BMPR1B: variants seen among roughly 807,000 people sequenced by gnomAD.
BMPR1B encodes bone morphogenetic protein receptor type 1B, also known as bone morphogenetic protein receptor type-1B.
Under a neutral mutation model 59.1 loss-of-function variants are expected in BMPR1B, and 12 were observed. The ratio of observed to expected loss-of-function variants is 0.20; its 90% CI spans 0.13 to 0.33. BMPR1B has a LOEUF of 0.33. Ranked by LOEUF, BMPR1B falls within the 10% of genes least tolerant of loss-of-function variation. BMPR1B has a pLI of 1.00. For missense variants in BMPR1B, 550 were observed against 610.9 expected, an observed-to-expected ratio of 0.90 and a Z score of 1.05; for synonymous variants, 237 against 207.3, an observed-to-expected ratio of 1.14 and a Z score of -1.23.
At chr4:95,097,242 AAGAG>A (rs1017626565) in intron 3 of BMPR1B, among the ~76,000 whole-genome samples, 1 of 150,920 alleles carries the variant, frequency 6.6e-6, no homozygotes, top group African/African-American at 2.4e-5. Context: ...AAGAGGGAAG[AAGAG>A]AGAAGAGAGG....
At chr4:94,981,702 A>G (rs1373384602) in intron 2 of BMPR1B, among the ~76,000 whole-genome samples, 3 of 152,192 alleles carry the variant, frequency 2.0e-5, no homozygotes. Context: ...CACTAAATAC[A>G]CTCTAAGGAA....
At chr4:95,026,366 C>T (rs1724417755) in intron 3 of BMPR1B, among the ~76,000 whole-genome samples, 1 of 151,846 alleles carries the variant, frequency 6.6e-6, no homozygotes, top group Non-Finnish European at 1.5e-5. Context: ...AAAGCTGAAC[C>T]TCCTGCAAAA....
intron 1 of BMPR1B, among the ~76,000 whole-genome samples, chr4:94,818,680 T>G (rs562042084): frequency 2.3e-4 from 35 of 152,344 alleles, no homozygotes; most frequent in East Asian, 9.6e-4. Context: ...TATTCTACTA[T>G]GAAGCGATTT....
chr4:94,904,072 T>C (rs1037325607), intron 2 of BMPR1B, among the ~76,000 whole-genome samples: 4 of 152,054 alleles, frequency 2.6e-5, no homozygotes, highest in Non-Finnish European at 5.9e-5. Context: ...CTTATGATGA[T>C]ATGGAATTCT....
At chr4:95,003,260 C>G (rs545285776) in intron 3 of BMPR1B, among the ~76,000 whole-genome samples, 83 of 152,262 alleles carry the variant, frequency 5.5e-4, no homozygotes, top group African/African-American at 1.7e-3. Flanking sequence ...AAGGATTTTT[C>G]TGACCAATAC....
chr4:94,793,167 C>A (rs898892905), intron 1 of BMPR1B, among the ~76,000 whole-genome samples: 2 of 152,078 alleles, frequency 1.3e-5, no homozygotes, highest in African/African-American at 2.4e-5. Context: ...TCCCTCCCCC[C>A]TTCCCCCACC....
At chr4:94,903,624 A>C (rs1727916356) in intron 2 of BMPR1B, among the ~76,000 whole-genome samples, 2 of 151,938 alleles carry the variant, frequency 1.3e-5, no homozygotes, top group Non-Finnish European at 2.9e-5. Flanking sequence ...TATGGGCTGA[A>C]TTATATCCCT....
intron 1 of BMPR1B, among the ~76,000 whole-genome samples, chr4:94,846,972 C>T (rs1725360640): frequency 1.3e-5 from 2 of 152,054 alleles, no homozygotes; most frequent in African/African-American, 4.8e-5. Flanking sequence ...AGTTACAAAG[C>T]TTCTGTACTG....
At chr4:95,077,832 C>A (rs1411051757) in intron 3 of BMPR1B, among the ~76,000 whole-genome samples, 1 of 152,126 alleles carries the variant, frequency 6.6e-6, no homozygotes, top group African/African-American at 2.4e-5. Context: ...TTGCAAAATA[C>A]AAGATGTAAT....
intron 3 of BMPR1B, among the ~76,000 whole-genome samples, chr4:95,004,734 A>G (rs1722703340): frequency 6.6e-6 from 1 of 152,164 alleles, no homozygotes; most frequent in South Asian, 2.1e-4. Context: ...TTAGCTTACT[A>G]ACCTTGAAAT....
chr4:95,046,299 T>C (rs1726057300), intron 3 of BMPR1B, among the ~76,000 whole-genome samples: 1 of 152,204 alleles, frequency 6.6e-6, no homozygotes. Flanking sequence ...AACAACTTGA[T>C]AAATGTTACA....
At chr4:94,802,442 T>C (rs1408625110) in intron 1 of BMPR1B, among the ~76,000 whole-genome samples, 1 of 152,208 alleles carries the variant, frequency 6.6e-6, no homozygotes, top group Non-Finnish European at 1.5e-5. Flanking sequence ...CTTAAAATTA[T>C]CTTTGTCCAG....
chr4:95,038,200 CT>C (rs1725401029), intron 3 of BMPR1B, among the ~76,000 whole-genome samples: 1 of 152,080 alleles, frequency 6.6e-6, no homozygotes, highest in Non-Finnish European at 1.5e-5. Context: ...ACACAAAGCT[CT>C]GAGCTGGATC....
intron 1 of BMPR1B, among the ~76,000 whole-genome samples, chr4:94,774,761 C>A (rs150366631): frequency 3.9e-5 from 6 of 152,198 alleles, no homozygotes; most frequent in African/African-American, 1.4e-4. Context: ...GTGCTTCCAT[C>A]CTCACAGTTT....
In BMPR1B at chr4:94,994,072, A is replaced by T. The variant is rs1721911684; in HGVS notation, c.-112-1968A>T. On this transcript the variant is annotated intron_variant, in intron 2 of 12. Coordinates refer to ENST00000515059, the MANE Select transcript of BMPR1B (RefSeq NM_001203.3). ...GCAAGTACATATTTTACCACAGGTG[A>T]AAATTTGTATATGTCAATTTGGTAA... is the stretch of plus-strand genomic sequence containing the variant. 2.0e-5 allele frequency among the ~76,000 whole-genome samples: 3 copies of T among 152,190 alleles called. No homozygotes were observed. In the South Asian group the frequency reaches 6.2e-4, roughly 31 times the overall value.
At chr4:94,938,764 T>A (rs530171204) in intron 2 of BMPR1B, among the ~76,000 whole-genome samples, 44 of 152,300 alleles carry the variant, frequency 2.9e-4, no homozygotes, top group Non-Finnish European at 5.7e-4. Flanking sequence ...GAAGAGAAAC[T>A]AGGGCAAAAA....
intron 3 of BMPR1B, among the ~76,000 whole-genome samples, chr4:95,094,424 T>G (rs1730219313): frequency 6.6e-6 from 1 of 151,208 alleles, no homozygotes; most frequent in African/African-American, 2.4e-5. Flanking sequence ...GGGGAAAAGA[T>G]AATAGGGGAG....
At chr4:95,110,345 AAAC>A (rs1289477952) in intron 4 of BMPR1B, among the ~76,000 whole-genome samples, 2 of 152,062 alleles carry the variant, frequency 1.3e-5, no homozygotes, top group African/African-American at 4.8e-5. Flanking sequence ...TAGAAAAAAT[AAAC>A]AAAATGCTAA....
At chr4:95,023,083 TC>T (rs1279238172) in intron 3 of BMPR1B, among the ~76,000 whole-genome samples, 1 of 152,196 alleles carries the variant, frequency 6.6e-6, no homozygotes. Flanking sequence ...ACCTTTATTT[TC>T]CTTAATGGGA....
Sources: gnomAD v4.1 joint callset for allele counts (sites outside exome capture counted in the v4.1 genomes callset) on GRCh38, gnomAD v4.1.1 for gene constraint, MANE v1.5 for transcripts, NCBI Gene and HGNC (gene_info 2026-07-23, HGNC 2026-07-21) for gene names.